The following CAMK4 variants were observed in gnomAD, a reference collection of about 807,000 sequenced individuals.
CAMK4 encodes calcium/calmodulin dependent protein kinase IV.
A neutral mutation model predicts 44.9 loss-of-function variants in CAMK4; 22 were observed. That is an observed-to-expected ratio of 0.49 (90% confidence interval 0.35 to 0.70). The LOEUF is 0.70. CAMK4 is among the 30% of genes least tolerant of loss of function. The pLI, the probability that CAMK4 is intolerant of heterozygous loss-of-function variation, is 0.01. For missense variants in CAMK4, 498 were observed against 586.8 expected (o/e 0.85, Z 1.56); for synonymous variants, 218 against 215.4 (o/e 1.01, Z -0.11).
chr5:111,358,012 A>G (rs1750439571), intron 2 of CAMK4: 1 of 152,100 alleles, frequency 6.6e-6, no homozygotes, highest in African/African-American at 2.4e-5. Flanking sequence ...GAATTCAATC[A>G]GGAATGATTT....
intron 1 of CAMK4, among the ~76,000 whole-genome samples, chr5:111,242,049 G>A (rs1266136279): frequency 1.3e-5 from 2 of 152,176 alleles, no homozygotes; most frequent in Non-Finnish European, 2.9e-5. Context: ...AGGCAACTTT[G>A]ACACAGGCTA....
At chr5:111,251,783 A>C (rs1366176344) in intron 1 of CAMK4, among the ~76,000 whole-genome samples, 2 of 152,164 alleles carry the variant, frequency 1.3e-5, no homozygotes, top group African/African-American at 4.8e-5. Flanking sequence ...ATATGTATTC[A>C]CTAATGAAGG....
intron 1 of CAMK4, among the ~76,000 whole-genome samples, chr5:111,327,471 G>A (rs1296180018): frequency 3.9e-5 from 6 of 152,002 alleles, no homozygotes; most frequent in African/African-American, 1.2e-4. Flanking sequence ...ATAAACATAT[G>A]TGTGCATGTG....
chr5:111,223,854 T>C (rs1056369167), upstream of CAMK4: 14 of 152,634 alleles, frequency 9.2e-5, no homozygotes, highest in Non-Finnish European at 1.9e-4. The surrounding 1 kb of genome is among the most constrained non-coding windows in gnomAD (Gnocchi z 4.3). Context: ...GGTTAGCTGG[T>C]GTTAGGTGGG....
intron 2 of CAMK4, among the ~76,000 whole-genome samples, chr5:111,359,282 G>GTCA (rs1305496162): frequency 3.0e-4 from 1 of 3,322 alleles, no homozygotes; most frequent in African/African-American, 4.8e-4. Context: ...GATGGTATTT[G>GTCA]ATTGTGGTTT....
intron 4 of CAMK4, among the ~76,000 whole-genome samples, chr5:111,385,471 A>ATTCT (rs1415187822): frequency 2.6e-5 from 4 of 152,048 alleles, no homozygotes; most frequent in African/African-American, 9.7e-5. Context: ...CTTAGTCTCA[A>ATTCT]TTTTAAAAGC....
intron 5 of CAMK4, among the ~76,000 whole-genome samples, chr5:111,443,348 CTA>C (rs370002723): frequency 0.041 from 4,938 of 121,710 alleles, 232 homozygotes; most frequent in East Asian, 0.16. Context: ...TATATATATA[CTA>C]TATATATAGT....
At chr5:111,479,957 C>T (rs1167201563) in intron 9 of CAMK4, among the ~76,000 whole-genome samples, 1 of 152,006 alleles carries the variant, frequency 6.6e-6, no homozygotes, top group Non-Finnish European at 1.5e-5. Flanking sequence ...GTACAGGATC[C>T]AGAGGGATGG....
chr5:111,333,326 G>GA (rs1749253550), intron 1 of CAMK4, among the ~76,000 whole-genome samples: 2 of 151,302 alleles, frequency 1.3e-5, no homozygotes. Flanking sequence ...CCCACTCACA[G>GA]AAAAAAAGGA....
chr5:111,346,051 T>A (rs892106944), intron 2 of CAMK4, among the ~76,000 whole-genome samples: 3 of 151,930 alleles, frequency 2.0e-5, no homozygotes, highest in African/African-American at 7.2e-5. Flanking sequence ...GGATAAATCA[T>A]GCACAGAGAT....
At chr5:111,267,924 T>C (rs1402422122) in intron 1 of CAMK4, among the ~76,000 whole-genome samples, 2 of 152,206 alleles carry the variant, frequency 1.3e-5, no homozygotes, top group African/African-American at 4.8e-5. Flanking sequence ...ATTATTTATT[T>C]GTCTGGGTAG....
At chr5:111,477,669 A>G (rs1025980355) in intron 8 of CAMK4, among the ~76,000 whole-genome samples, 3 of 152,160 alleles carry the variant, frequency 2.0e-5, no homozygotes, top group African/African-American at 2.4e-5. Flanking sequence ...AGTTGACTCC[A>G]TAGTAGAAAA....
chr5:111,417,017 A>T (rs1368964740), intron 5 of CAMK4, among the ~76,000 whole-genome samples: 1 of 152,190 alleles, frequency 6.6e-6, no homozygotes, highest in Admixed American at 6.5e-5. Flanking sequence ...CTATTTTGGT[A>T]AATAAATATT....
chr5:111,328,886 G>A (rs138160520), intron 1 of CAMK4, among the ~76,000 whole-genome samples: 5 of 152,048 alleles, frequency 3.3e-5, no homozygotes, highest in Non-Finnish European at 7.4e-5. Context: ...TGCTGAAGTC[G>A]CTTATCAGCT....
intron 1 of CAMK4, among the ~76,000 whole-genome samples, chr5:111,275,938 G>T (rs1302594738): frequency 6.6e-6 from 1 of 151,870 alleles, no homozygotes; most frequent in Non-Finnish European, 1.5e-5. Context: ...AAAGAAAAGA[G>T]AATTTTAAGT....
At chr5:111,411,875 T>C (rs987674119) in intron 5 of CAMK4, among the ~76,000 whole-genome samples, 10 of 152,144 alleles carry the variant, frequency 6.6e-5, no homozygotes, top group African/African-American at 2.4e-4. Flanking sequence ...CAGCATACTT[T>C]TGGAAAAAGA....
chr5:111,483,968 C>T (rs2112504840), intron 10 of CAMK4, 58 bp from the exon 11 acceptor site: 3 of 1,309,696 alleles, frequency 2.3e-6, no homozygotes, highest in Non-Finnish European at 3.1e-6. Context: ...TGGGGTTGAG[C>T]TCTGATGTGG....
chr5:111,264,025 T>G (rs1236167677), intron 1 of CAMK4, among the ~76,000 whole-genome samples: 1 of 152,240 alleles, frequency 6.6e-6, no homozygotes, highest in Non-Finnish European at 1.5e-5. Flanking sequence ...CTGCCAAGCT[T>G]ACTACTTTCC....
chr5:111,385,628 C>T (rs1485743745), intron 4 of CAMK4, among the ~76,000 whole-genome samples: 5 of 152,094 alleles, frequency 3.3e-5, no homozygotes, highest in Non-Finnish European at 1.5e-5. Context: ...GGCTGGAGTG[C>T]AGTGGCGTGA....
Sources: allele counts gnomAD v4.1 joint callset (sites outside exome capture counted in the v4.1 genomes callset), GRCh38; gene constraint gnomAD v4.1.1; non-coding constraint Gnocchi (gnomAD v3.1); transcripts MANE v1.5; gene names NCBI Gene and HGNC (gene_info 2026-07-23, HGNC 2026-07-21).